Variants in DLGAP1 observed in about 807,000 individuals in gnomAD.
DLGAP1 encodes the protein disks large-associated protein 1.
Under a neutral mutation model 90.8 loss-of-function variants are expected in DLGAP1, and 11 were observed. The ratio of observed to expected loss-of-function variants is 0.12; its 90% CI spans 0.08 to 0.20. The LOEUF is 0.20. Among genes scored for constraint, DLGAP1 ranks in the 10% least tolerant of loss-of-function variants. DLGAP1 has a pLI of 1.00. For synonymous variants in DLGAP1, 558 were observed against 540.7 expected, an observed-to-expected ratio of 1.03 and a Z score of -0.44; for missense variants, 1,050 against 1,333.8, an observed-to-expected ratio of 0.79 and a Z score of 3.31.
intron 4 of DLGAP1, among the ~76,000 whole-genome samples, chr18:3,858,761 T>C (rs374069192): frequency 6.6e-6 from 1 of 152,118 alleles, no homozygotes; most frequent in Non-Finnish European, 1.5e-5. Context: ...GGCATGAGAT[T>C]CTTCTGCTCT....
intron 8 of DLGAP1, among the ~76,000 whole-genome samples, chr18:3,575,033 T>C (rs1008932136): frequency 1.3e-5 from 2 of 151,998 alleles, no homozygotes; most frequent in Non-Finnish European, 1.5e-5. Flanking sequence ...CCAGGATGGT[T>C]TCAATCTCCT....
At chr18:3,556,658 A>G (rs1201477530) in intron 9 of DLGAP1, among the ~76,000 whole-genome samples, 1 of 152,160 alleles carries the variant, frequency 6.6e-6, no homozygotes, top group Non-Finnish European at 1.5e-5. Context: ...CCATTGACCT[A>G]CTAAAGGACA....
At chr18:4,271,630 T>C (rs2079284018) in intron 1 of DLGAP1, among the ~76,000 whole-genome samples, 1 of 152,196 alleles carries the variant, frequency 6.6e-6, no homozygotes, top group Non-Finnish European at 1.5e-5. Context: ...TAGACACCTG[T>C]AGTTGTATTA....
At chr18:4,352,796 C>T (rs1172487822) in intron 1 of DLGAP1, among the ~76,000 whole-genome samples, 4 of 152,100 alleles carry the variant, frequency 2.6e-5, no homozygotes, top group African/African-American at 4.8e-5. Flanking sequence ...TCAGTCTTTA[C>T]GCTTATTTGA....
intron 1 of DLGAP1, among the ~76,000 whole-genome samples, chr18:4,291,328 C>T (rs970245685): frequency 2.0e-5 from 3 of 152,086 alleles, no homozygotes; most frequent in South Asian, 2.1e-4. Context: ...GGTAACCCTG[C>T]GTCATCATGG....
chr18:3,513,063 ACT>A (rs967512829), intron 10 of DLGAP1, among the ~76,000 whole-genome samples: 3 of 151,716 alleles, frequency 2.0e-5, no homozygotes, highest in African/African-American at 7.3e-5. Flanking sequence ...CCACCGTTCC[ACT>A]CTCTGTTTCC....
intron 4 of DLGAP1, among the ~76,000 whole-genome samples, chr18:3,839,265 C>T (rs2068572992): frequency 2.6e-5 from 4 of 152,066 alleles, no homozygotes; most frequent in Admixed American, 2.6e-4. Context: ...AAGCACTGTG[C>T]GAGTAGAAAC....
intron 3 of DLGAP1, among the ~76,000 whole-genome samples, chr18:3,887,884 G>A (rs888928053): frequency 1.3e-5 from 2 of 151,802 alleles, no homozygotes; most frequent in Admixed American, 6.6e-5. Flanking sequence ...CGAGGTGGGC[G>A]GATCATGAGG....
intron 5 of DLGAP1, among the ~76,000 whole-genome samples, chr18:3,771,863 C>T (rs1238269426): frequency 6.6e-6 from 1 of 151,968 alleles, no homozygotes; most frequent in Non-Finnish European, 1.5e-5. Context: ...ATCCATGTGG[C>T]CACTGCCAGC....
intron 2 of DLGAP1, among the ~76,000 whole-genome samples, chr18:4,090,492 G>A (rs1478998964): frequency 6.6e-6 from 1 of 152,124 alleles, no homozygotes; most frequent in Non-Finnish European, 1.5e-5. Flanking sequence ...CATATGAAAA[G>A]AAGCTCAACA....
At chr18:4,285,798 C>T (rs1427902721) in intron 1 of DLGAP1, among the ~76,000 whole-genome samples, 1 of 152,198 alleles carries the variant, frequency 6.6e-6, no homozygotes, top group Non-Finnish European at 1.5e-5. Context: ...TTGGTCAAGA[C>T]TGAGCTATTG....
chr18:4,140,050 A>G (rs1291698477), intron 2 of DLGAP1, among the ~76,000 whole-genome samples: 2 of 151,762 alleles, frequency 1.3e-5, no homozygotes, highest in Non-Finnish European at 3.0e-5. Context: ...CTTGTCTTTT[A>G]TCCATTCAGC....
chr18:3,626,904 AAAAAG>A (rs1440486688), intron 7 of DLGAP1, among the ~76,000 whole-genome samples: 1 of 152,210 alleles, frequency 6.6e-6, no homozygotes, highest in Admixed American at 6.5e-5. Context: ...GTCTCACAAA[AAAAAG>A]AAAAGAAAAT....
At chr18:4,266,553 T>G (rs2079135549) in intron 1 of DLGAP1, among the ~76,000 whole-genome samples, 1 of 152,206 alleles carries the variant, frequency 6.6e-6, no homozygotes. Flanking sequence ...TTTTCTTTAT[T>G]TCCCTGATTA....
In DLGAP1 at chr18:3,711,992, TG is replaced by T. The variant is rs2061610450; in HGVS notation, c.1591+17142del. The stretch of plus-strand genomic sequence containing the variant: ...GGCATGAGTCCTAACAAACTATTCC[TG>T]GGTTCTGGCTAGAGGTATTTTTGTG... On this transcript the variant is annotated intron_variant, in intron 7 of 12. Transcript: ENST00000315677. This position sits in a 1 kb window ranked among gnomAD's most constrained non-coding sequence, Gnocchi z 4.0. 6.6e-6 allele frequency among the ~76,000 whole-genome samples: 1 copy of T among 152,172 alleles called. No individual in the cohort carries two copies. Among genetic ancestry groups the T allele is most frequent in the African/African-American group, 2.4e-5 (1 of 41,438 alleles).
chr18:3,512,883 T>C (rs2050624336), intron 10 of DLGAP1, among the ~76,000 whole-genome samples: 1 of 152,230 alleles, frequency 6.6e-6, no homozygotes, highest in South Asian at 2.1e-4. Context: ...GTAAGAACAC[T>C]TAACATGAAA....
At chr18:4,022,032 T>C (rs1024082961) in intron 2 of DLGAP1, among the ~76,000 whole-genome samples, 6 of 152,204 alleles carry the variant, frequency 3.9e-5, no homozygotes, top group Non-Finnish European at 5.9e-5. Flanking sequence ...AGACTAATCC[T>C]TTAAAACTAC....
chr18:4,241,490 G>C (rs1387682623), intron 1 of DLGAP1, among the ~76,000 whole-genome samples: 3 of 152,118 alleles, frequency 2.0e-5, no homozygotes, highest in African/African-American at 7.2e-5. Context: ...AGCTGTGTCA[G>C]CTATGAACAC....
rs2054031332 is a variant in DLGAP1 at position 3,560,601 on chromosome 18, A to AAG, written c.2057+6888_2057+6889insCT. 1.3e-5 allele frequency among the ~76,000 whole-genome samples: 2 copies of AAG among 150,086 alleles called. 1 individual carries two copies. Among genetic ancestry groups the AAG allele is most frequent in the African/African-American group, 5.0e-5 (2 of 39,754 alleles). On this transcript the variant is annotated intron_variant, in intron 9 of 12. Coordinates refer to ENST00000315677, the MANE Select transcript of DLGAP1 (RefSeq NM_004746.4). ...CAAGACTCAGTCTCAAAAAAAAAAAAAAAAAAAGCATGTTTATGTAAAATT... is the reference window on the plus strand; with the variant it reads ...CAAGACTCAGTCTCAAAAAAAAAAAAAGAAAAAAAGCATGTTTATGTAAAATT...
Sources: gnomAD v4.1 joint callset for allele counts (sites outside exome capture counted in the v4.1 genomes callset) on GRCh38, gnomAD v4.1.1 for gene constraint, Gnocchi (gnomAD v3.1) non-coding constraint, MANE v1.5 for transcripts, NCBI Gene and HGNC (gene_info 2026-07-23, HGNC 2026-07-21) for gene names.